KYNU: variants seen among roughly 807,000 people sequenced by gnomAD.
The protein encoded by KYNU is L-kynurenine hydrolase.
A neutral mutation model predicts 59.2 loss-of-function variants in KYNU; 54 were observed. That is an observed-to-expected ratio of 0.91 (90% confidence interval 0.73 to 1.14). The LOEUF is 1.14. KYNU is among the 50% of genes most tolerant of loss of function. The pLI, the probability that KYNU is intolerant of heterozygous loss-of-function variation, is 0.00. For missense variants in KYNU, 567 were observed against 554.4 expected, an observed-to-expected ratio of 1.02 and a Z score of -0.23; for synonymous variants, 177 against 192.0, an observed-to-expected ratio of 0.92 and a Z score of 0.65.
chr2:142,987,210 C>T (rs1685232100), intron 10 of KYNU, among the ~76,000 whole-genome samples: 1 of 151,846 alleles, frequency 6.6e-6, no homozygotes, highest in Admixed American at 6.6e-5. Flanking sequence ...TGTATGATGA[C>T]TCACAACCCT....
intron 2 of KYNU, among the ~76,000 whole-genome samples, chr2:142,900,009 C>T (rs898769721): frequency 2.0e-5 from 3 of 152,140 alleles, no homozygotes; most frequent in Admixed American, 1.3e-4. Context: ...TGTTCTCTGA[C>T]CTGGGGTTCT....
intron 6 of KYNU, 124 bp from the exon 7 acceptor site, chr2:142,957,517 G>A (rs1433776183): frequency 1.8e-5 from 12 of 674,358 alleles, no homozygotes; most frequent in Non-Finnish European, 2.9e-5. Flanking sequence ...TTGTTTAGGT[G>A]TTTTAACCTT....
Position 143,032,711 on chromosome 2 carries a change from T to TTGTA in KYNU, c.956-522_956-521insATGT, listed in dbSNP as rs145787098. 3.6e-3 allele frequency among the ~76,000 whole-genome samples: 468 copies of TTGTA among 129,454 alleles called. 6 individuals carry two copies. The highest frequency in any genetic ancestry group is 0.013 in the African/African-American group (449 of 34,492). The allele number at this position is 129,454 out of a possible 152,430, so 84.9% of individuals were successfully genotyped here. A position where few individuals can be genotyped will look rare whatever the true frequency, so the allele number is the denominator to read the frequency against. ...GATCTTTTTTTTAAAGCTCCCTCTA[T>TTGTA]TGTGTGTGTGTGTGTGTGTGTGTGT... On this transcript the variant is annotated intron_variant, in intron 11 of 13. Transcript: ENST00000264170.
intron 7 of KYNU, among the ~76,000 whole-genome samples, chr2:142,959,922 GTTTAA>G (rs1323186219): frequency 1.3e-5 from 2 of 152,068 alleles, no homozygotes; most frequent in Non-Finnish European, 2.9e-5. Context: ...CTTTGGTTTA[GTTTAA>G]TTTAGTTTAG....
At chr2:143,022,835 C>T (rs1344431357) in intron 10 of KYNU, among the ~76,000 whole-genome samples, 2 of 151,750 alleles carry the variant, frequency 1.3e-5, no homozygotes, top group Non-Finnish European at 2.9e-5. Flanking sequence ...TTGTGAATAT[C>T]CTTCTGCATA....
intron 4 of KYNU, among the ~76,000 whole-genome samples, chr2:142,943,284 G>C (rs1391518195): frequency 6.6e-6 from 1 of 151,896 alleles, no homozygotes; most frequent in Non-Finnish European, 1.5e-5. Context: ...GTATATTTTG[G>C]GTCGTGATTG....
chr2:143,014,553 A>G (rs1441309542), intron 10 of KYNU, among the ~76,000 whole-genome samples: 5 of 152,352 alleles, frequency 3.3e-5, no homozygotes, highest in South Asian at 2.1e-4. Flanking sequence ...TGTCTCTGCT[A>G]TAAGTTTCAG....
intron 12 of KYNU, among the ~76,000 whole-genome samples, chr2:143,034,125 A>C (rs1317464969): frequency 6.6e-6 from 1 of 151,396 alleles, no homozygotes; most frequent in Non-Finnish European, 1.5e-5. Flanking sequence ...TATATAGTAT[A>C]AAATTCATAT....
chr2:142,972,731 C>CTA (rs199598586), intron 8 of KYNU, among the ~76,000 whole-genome samples: 56 of 147,086 alleles, frequency 3.8e-4, no homozygotes, highest in East Asian at 1.4e-3. Context: ...ATTGTCTTGT[C>CTA]TATATATATA....
intron 10 of KYNU, among the ~76,000 whole-genome samples, chr2:143,025,221 TC>T (rs1217393430): frequency 1.3e-5 from 2 of 152,184 alleles, no homozygotes; most frequent in East Asian, 3.8e-4. Flanking sequence ...ATTACATTTC[TC>T]ATCCACTTTC....
At chr2:143,005,428 T>G (rs1685848282) in intron 10 of KYNU, among the ~76,000 whole-genome samples, 1 of 152,068 alleles carries the variant, frequency 6.6e-6, no homozygotes, top group African/African-American at 2.4e-5. Context: ...TCCAGCGACC[T>G]AGAGAAACTG....
intron 10 of KYNU, among the ~76,000 whole-genome samples, chr2:142,996,591 C>A (rs958688548): frequency 1.5e-4 from 23 of 152,082 alleles, no homozygotes; most frequent in African/African-American, 5.1e-4. Context: ...TGTAAGCTAA[C>A]TGGAGAAATC....
At chr2:143,035,276 A>G (rs960426142) in intron 12 of KYNU, among the ~76,000 whole-genome samples, 2 of 152,232 alleles carry the variant, frequency 1.3e-5, no homozygotes, top group South Asian at 4.1e-4. Context: ...AAGCCACAAG[A>G]AGAATGATAT....
intron 10 of KYNU, among the ~76,000 whole-genome samples, chr2:143,028,779 C>T (rs897119328): frequency 5.9e-5 from 9 of 151,956 alleles, no homozygotes; most frequent in Non-Finnish European, 1.0e-4. Context: ...ACCCGGAAGG[C>T]GGAGGTTGTG....
chr2:143,049,257 C>G lies in KYNU; in HGVS notation c.*7085C>G, dbSNP rs1271686165. Reference sequence around the variant, plus strand: ...AGTTTCTAAAAGTTTCATTAGATTTCTGTTCAAAATTCCTTCCATTTGTGA... The same window carrying G: ...AGTTTCTAAAAGTTTCATTAGATTTGTGTTCAAAATTCCTTCCATTTGTGA... On this transcript the variant is annotated 3_prime_UTR_variant, in exon 14 of 14. Transcript: ENST00000264170. 1.3e-5 allele frequency: 2 copies of G among 152,076 alleles called. No individual in the cohort carries two copies. Among genetic ancestry groups the G allele is most frequent in the African/African-American group, 4.8e-5 (2 of 41,426 alleles). The allele number at this position is 152,076 out of a possible 1,614,324, so 9.4% of individuals were successfully genotyped here.
chr2:143,013,268 C>T (rs893447974), intron 10 of KYNU, among the ~76,000 whole-genome samples: 3 of 150,966 alleles, frequency 2.0e-5, no homozygotes, highest in African/African-American at 7.3e-5. Flanking sequence ...CTCTCTCTCC[C>T]TGTCTCTCTC....
At chr2:142,938,921 G>T (rs1683485217) in intron 4 of KYNU, among the ~76,000 whole-genome samples, 1 of 151,962 alleles carries the variant, frequency 6.6e-6, no homozygotes, top group African/African-American at 2.4e-5. Context: ...AGGAGTTCAA[G>T]ACCAGTTGAG....
chr2:143,047,742 G>A lies in KYNU; in HGVS notation c.*5570G>A, dbSNP rs1217068276. On this transcript the variant is annotated 3_prime_UTR_variant, in exon 14 of 14. Transcript: ENST00000264170. ...CTAATTTTTAAAAATAATTTTTTTTGTAGATTCAGAGTCTTGCTATGTTGC... is the reference window on the plus strand; with the variant it reads ...CTAATTTTTAAAAATAATTTTTTTTATAGATTCAGAGTCTTGCTATGTTGC... 6.6e-6 allele frequency: 1 copy of A among 150,646 alleles called. No homozygotes were observed. 9.3% of individuals were successfully genotyped at this position (150,646 alleles called of 1,614,324 possible).
At chr2:143,012,488 A>AGC (rs1360201560) in intron 10 of KYNU, among the ~76,000 whole-genome samples, 3,519 of 150,478 alleles carry the variant, frequency 0.023, 115 homozygotes, top group African/African-American at 0.083. Context: ...ATCTCCAAAA[A>AGC]ACAAAAAAAA....
Sources: gnomAD v4.1 joint callset for allele counts (sites outside exome capture counted in the v4.1 genomes callset) on GRCh38, gnomAD v4.1.1 for gene constraint, MANE v1.5 for transcripts, NCBI Gene and HGNC (gene_info 2026-07-23, HGNC 2026-07-21) for gene names.